The following LCORL variants were observed in gnomAD, a reference collection of about 807,000 sequenced individuals.
LCORL encodes the protein ligand-dependent nuclear receptor corepressor-like protein.
Under a neutral mutation model 141.8 loss-of-function variants are expected in LCORL, and 41 were observed. That is an observed-to-expected ratio of 0.29 (90% CI 0.23 to 0.38). The LOEUF is 0.38. LCORL is among the 10% of genes least tolerant of loss of function. The pLI, the probability that LCORL is intolerant of heterozygous loss-of-function variation, is 1.00. For missense variants in LCORL, 1,759 were observed against 2,035.0 expected, an observed-to-expected ratio of 0.86 and a Z score of 2.61; for synonymous variants, 618 against 694.1, an observed-to-expected ratio of 0.89 and a Z score of 1.72.
In LCORL at chr4:18,021,713, G is replaced by T. The variant is rs577955980; in HGVS notation, c.39C>A (p.Ala13=). 3.9e-6 allele frequency: 6 copies of T among 1,525,290 alleles called. No individual in the cohort carries two copies. Among genetic ancestry groups the T allele is most frequent in the South Asian group, 1.2e-5 (1 of 81,208 alleles). 94.5% of individuals were successfully genotyped at this position (1,525,290 alleles called of 1,614,324 possible). A position where few individuals can be genotyped will look rare whatever the true frequency, so the allele number is the denominator to read the frequency against. The change falls in exon 1 of 8, where the codon GCC becomes GCA. Residue 13 remains alanine (A), a synonymous_variant. Coordinates refer to ENST00000635767, the Ensembl canonical transcript of LCORL. The surrounding 1 kb of genome is among the most constrained non-coding windows in gnomAD (Gnocchi z 5.5). ...CGGCGGCGGCGGCGGCGGCAGCAGCGGCGGCGGCAGCGGCCATTCTCTCTC... is the reference window on the plus strand; with the variant it reads ...CGGCGGCGGCGGCGGCGGCAGCAGCTGCGGCGGCAGCGGCCATTCTCTCTC...
intron 4 of LCORL, among the ~76,000 whole-genome samples, chr4:17,952,223 C>T (rs1396712866): frequency 4.6e-5 from 7 of 151,970 alleles, no homozygotes; most frequent in African/African-American, 9.7e-5. Flanking sequence ...TAAACACAGA[C>T]GGTAATTCAA....
chr4:17,926,407 C>T (rs1357711645), intron 4 of LCORL, among the ~76,000 whole-genome samples: 2 of 152,216 alleles, frequency 1.3e-5, no homozygotes, highest in Non-Finnish European at 2.9e-5. Flanking sequence ...TCGCCTTCCT[C>T]TTTCTCCTGT....
intron 5 of LCORL, among the ~76,000 whole-genome samples, chr4:17,888,691 T>C (rs554592143): frequency 6.6e-6 from 1 of 152,282 alleles, no homozygotes; most frequent in South Asian, 2.1e-4. Context: ...GGGTTCAGGA[T>C]CTTGACTTAT....
rs980735819 is a variant in LCORL at position 17,889,485 on chromosome 4, T to C, written c.683-3324A>G. Among the ~76,000 whole-genome samples, 4 of 152,134 alleles carry C rather than the reference T, an allele frequency of 2.6e-5. No homozygotes were observed. The East Asian group carries it at 7.7e-4, about 29-fold the overall frequency. On this transcript the variant is annotated intron_variant, in intron 5 of 7. Coordinates refer to ENST00000635767, the Ensembl canonical transcript of LCORL. The stretch of plus-strand genomic sequence containing the variant: ...GTCTACATAGTAAACACAAAATACA[T>C]AAATATGTAATAGTTGCAATACCAT...
At chr4:17,943,103 G>A (rs1246718456) in intron 4 of LCORL, among the ~76,000 whole-genome samples, 1 of 152,136 alleles carries the variant, frequency 6.6e-6, no homozygotes. Flanking sequence ...CAAAAACGTT[G>A]GGGACTGCTG....
intron 4 of LCORL, among the ~76,000 whole-genome samples, chr4:17,920,933 T>C (rs930743664): frequency 2.6e-5 from 4 of 152,242 alleles, no homozygotes; most frequent in African/African-American, 9.6e-5. Context: ...ATGTTATCTA[T>C]GAGGGTTGGA....
chr4:17,925,457 T>C (rs1281224979), intron 4 of LCORL, among the ~76,000 whole-genome samples: 1 of 152,124 alleles, frequency 6.6e-6, no homozygotes, highest in South Asian at 2.1e-4. Flanking sequence ...CTGAGGTGCC[T>C]GCTGAAGGGA....
At chr4:17,940,073 G>A (rs1477749891) in intron 4 of LCORL, among the ~76,000 whole-genome samples, 2 of 134,082 alleles carry the variant, frequency 1.5e-5, no homozygotes, top group East Asian at 4.4e-4. Context: ...TACACTATAT[G>A]CATATATACT....
At position 17,884,354 on chromosome 4, in the gene LCORL, G is replaced by A; in HGVS notation, c.776+1714C>T. The A allele has an allele frequency of 1.3e-6, 2 of 1,547,118 alleles. No homozygotes were observed. Among genetic ancestry groups the A allele is most frequent in the Non-Finnish European group, 1.7e-6 (2 of 1,145,446 alleles). The stretch of plus-strand genomic sequence containing the variant: ...GCTTTCATTTTTTTCTTTAAACTGA[G>A]TGACCATTTTCTGTAGAGTTAGCTG... On this transcript the variant is annotated intron_variant, in intron 6 of 7. Coordinates refer to ENST00000635767, the Ensembl canonical transcript of LCORL. The surrounding 1 kb of genome is among the most constrained non-coding windows in gnomAD (Gnocchi z 4.4).
chr4:17,893,594 G>A (rs932702816), intron 5 of LCORL: 1 of 985,222 alleles, frequency 1.0e-6, no homozygotes, highest in Non-Finnish European at 1.2e-6. Context: ...CTGGGTGGAA[G>A]AATACAGGAA....
intron 5 of LCORL, chr4:17,893,535 T>G: frequency 3.0e-6 from 3 of 985,366 alleles, no homozygotes; most frequent in Non-Finnish European, 3.6e-6. Context: ...TAGATATTCT[T>G]CAGAAAATGG....
chr4:17,952,740 T>C (rs1175299920), intron 4 of LCORL, among the ~76,000 whole-genome samples: 3 of 152,140 alleles, frequency 2.0e-5, no homozygotes, highest in Admixed American at 6.5e-5. Flanking sequence ...AAACTTTTAT[T>C]TTACGTTCAG....
At chr4:17,886,312 A>G (rs930261069) in intron 5 of LCORL, 151 bp from the exon 6 acceptor site, 2 of 549,244 alleles carry the variant, frequency 3.6e-6, no homozygotes, top group African/African-American at 2.0e-5. Flanking sequence ...TAGGAACAGG[A>G]TATGACTGGG....
chr4:17,919,148 T>C (rs1332525372), intron 4 of LCORL, among the ~76,000 whole-genome samples: 1 of 151,998 alleles, frequency 6.6e-6, no homozygotes, highest in Non-Finnish European at 1.5e-5. Context: ...TTAGATAACC[T>C]AGATGAAATG....
chr4:17,948,363 T>A (rs1458926788), intron 4 of LCORL, among the ~76,000 whole-genome samples: 2 of 152,026 alleles, frequency 1.3e-5, no homozygotes, highest in Non-Finnish European at 2.9e-5. Context: ...TCATTACACA[T>A]GTATTGAGCA....
At chr4:17,942,775 C>T (rs867646884) in intron 4 of LCORL, among the ~76,000 whole-genome samples, 23 of 152,246 alleles carry the variant, frequency 1.5e-4, no homozygotes, top group African/African-American at 5.5e-4. Context: ...TTCTTGGAGA[C>T]GTCCCCGACC....
At chr4:17,963,217 G>C (rs1577563525) in intron 2 of LCORL, among the ~76,000 whole-genome samples, 168 bp from the exon 3 acceptor site, 1 of 152,016 alleles carries the variant, frequency 6.6e-6, no homozygotes, top group Non-Finnish European at 1.5e-5. Flanking sequence ...AATAAACAGA[G>C]AAGGCTGTAA....
chr4:17,886,913 C>T (rs1487228229), intron 5 of LCORL, among the ~76,000 whole-genome samples: 2 of 151,906 alleles, frequency 1.3e-5, no homozygotes, highest in Non-Finnish European at 2.9e-5. Flanking sequence ...AAAAATAAAC[C>T]ATGAATTTAA....
chr4:17,847,220 G>T lies in LCORL; in HGVS notation c.5603-1319C>A, dbSNP rs1314636402. ...CTAATTCACTTGACATTTAACTATG[G>T]TTAGTTCATTTGAACTACATCATTC... On this transcript the variant is annotated intron_variant, in intron 7 of 7. Coordinates refer to ENST00000635767, the Ensembl canonical transcript of LCORL. Among the ~76,000 whole-genome samples, 9 of 152,230 alleles carry T rather than the reference G, an allele frequency of 5.9e-5. No individual in the cohort carries two copies. In the East Asian group the frequency reaches 1.7e-3, roughly 29 times the overall value.
Sources: allele counts gnomAD v4.1 joint callset (sites outside exome capture counted in the v4.1 genomes callset), GRCh38; gene constraint gnomAD v4.1.1; non-coding constraint Gnocchi (gnomAD v3.1); transcripts MANE v1.5; gene names NCBI Gene and HGNC (gene_info 2026-07-23, HGNC 2026-07-21).